The following LTBP1 variants were observed in gnomAD, a reference collection of about 807,000 sequenced individuals.
LTBP1 encodes latent-transforming growth factor beta-binding protein 1.
LTBP1 carries 129 observed loss-of-function variants against 207.6 expected under a neutral mutation model. That is an observed-to-expected ratio of 0.62 (90% confidence interval 0.54 to 0.72). The LOEUF is 0.72. LTBP1 is among the 30% of genes least tolerant of loss of function. LTBP1 has a pLI of 0.00. For missense variants in LTBP1, 2,281 were observed against 2,217.2 expected (o/e 1.03, Z -0.58); for synonymous variants, 963 against 833.7 (o/e 1.16, Z -2.67).
chr2:32,947,882 C>CG lies in LTBP1; in HGVS notation c.494+68dup, dbSNP rs546121967. ...CGCGCACCGCCCGCGGAGGGACCTG[C>CG]GGGGTCAGGGCCACTCGGAGCCCCG... On this transcript the variant is annotated intron_variant, in intron 1 of 33. Coordinates refer to ENST00000404816, the MANE Select transcript of LTBP1 (RefSeq NM_206943.4). 3,940 of 1,252,710 alleles carry CG rather than the reference C, an allele frequency of 3.1e-3. 91 individuals are homozygous for CG. The African/African-American group carries it at 0.057, about 18-fold the overall frequency. 77.6% of individuals were successfully genotyped at this position (1,252,710 alleles called of 1,614,324 possible). A position where few individuals can be genotyped will look rare whatever the true frequency, so the allele number is the denominator to read the frequency against.
intron 9 of LTBP1, among the ~76,000 whole-genome samples, chr2:33,241,984 T>C (rs2092340137): frequency 6.6e-6 from 1 of 152,250 alleles, no homozygotes; most frequent in South Asian, 2.1e-4. Flanking sequence ...GTCATCTAGC[T>C]GTAGCAGTTT....
intron 7 of LTBP1, among the ~76,000 whole-genome samples, chr2:33,196,403 CT>C (rs1558795245): frequency 2.0e-5 from 3 of 151,926 alleles, no homozygotes; most frequent in African/African-American, 7.3e-5. Context: ...CATTTAGAGA[CT>C]TTTTAGAAAC....
At chr2:33,351,154 A>G (rs1225142190) in intron 26 of LTBP1, among the ~76,000 whole-genome samples, 4 of 152,222 alleles carry the variant, frequency 2.6e-5, no homozygotes, top group Middle Eastern at 3.2e-3. Flanking sequence ...TCGCTAATAC[A>G]GTTCGCTAAT....
intron 3 of LTBP1, among the ~76,000 whole-genome samples, chr2:33,110,239 C>A (rs1023278432): frequency 6.6e-6 from 1 of 152,160 alleles, no homozygotes; most frequent in African/African-American, 2.4e-5. Flanking sequence ...TACAGTCATG[C>A]ACCATCATTT....
intron 25 of LTBP1, among the ~76,000 whole-genome samples, chr2:33,344,923 A>C (rs896275780): frequency 3.9e-5 from 6 of 152,120 alleles, no homozygotes; most frequent in African/African-American, 1.2e-4. Context: ...CTTAATGTTC[A>C]TTTCTAACCA....
chr2:33,173,571 G>A (rs1243093965), intron 5 of LTBP1, among the ~76,000 whole-genome samples: 1 of 151,864 alleles, frequency 6.6e-6, no homozygotes, highest in Non-Finnish European at 1.5e-5. Flanking sequence ...AATTCTACCA[G>A]AGGTACAAGG....
intron 24 of LTBP1, among the ~76,000 whole-genome samples, chr2:33,319,217 G>T (rs1391451008): frequency 6.6e-5 from 10 of 152,134 alleles, no homozygotes; most frequent in Admixed American, 4.6e-4. Context: ...GGCCAACATG[G>T]TGGAACCCCG....
intron 13 of LTBP1, among the ~76,000 whole-genome samples, chr2:33,260,206 A>T (rs571574643): frequency 6.2e-4 from 95 of 152,284 alleles, no homozygotes; most frequent in African/African-American, 2.1e-3. Flanking sequence ...ACTGGATCTA[A>T]GTCCTATTTA....
intron 31 of LTBP1, among the ~76,000 whole-genome samples, chr2:33,376,257 G>A (rs997738966): frequency 2.6e-5 from 4 of 152,144 alleles, no homozygotes; most frequent in African/African-American, 4.8e-5. Context: ...TCTAAATTCA[G>A]TTTTGAGTTG....
At chr2:32,959,623 T>TA (rs1558438814) in intron 2 of LTBP1, among the ~76,000 whole-genome samples, 67 of 48,744 alleles carry the variant, frequency 1.4e-3, no homozygotes, top group East Asian at 6.9e-3. Flanking sequence ...ATATATATAT[T>TA]TTTTTTTTTT....
At position 33,127,370 on chromosome 2, in the gene LTBP1, T is replaced by C. The variant is rs2081495147; in HGVS notation, c.1034-7423T>C. On this transcript the variant is annotated intron_variant, in intron 4 of 33. Transcript: ENST00000404816. The stretch of plus-strand genomic sequence containing the variant: ...AGAAGCCTGAGGCATTCAACTCCTT[T>C]AAAGTTTTGTGACTTCCAGCTATCA... 2.0e-5 allele frequency among the ~76,000 whole-genome samples: 3 copies of C among 152,228 alleles called. No homozygotes were observed. In the South Asian group the frequency reaches 6.2e-4, roughly 31 times the overall value.
At chr2:33,002,502 C>G (rs1434292688) in intron 2 of LTBP1, among the ~76,000 whole-genome samples, 1 of 152,146 alleles carries the variant, frequency 6.6e-6, no homozygotes, top group Admixed American at 6.5e-5. Context: ...CCTGGAAGGT[C>G]AGGCCCAGCG....
At chr2:33,254,823 C>T in intron 11 of LTBP1, among the ~76,000 whole-genome samples, 1 of 103,954 alleles carries the variant, frequency 9.6e-6, no homozygotes, top group Non-Finnish European at 1.8e-5. Context: ...GTTCAATTCC[C>T]ACCTATGAGT....
chr2:33,209,291 G>C (rs1307129026), intron 7 of LTBP1, among the ~76,000 whole-genome samples: 1 of 152,088 alleles, frequency 6.6e-6, no homozygotes, highest in East Asian at 1.9e-4. Context: ...ACCTGACTTA[G>C]TTAGAGAGTC....
At chr2:33,229,429 G>A (rs374659290) in intron 9 of LTBP1, among the ~76,000 whole-genome samples, 2 of 152,080 alleles carry the variant, frequency 1.3e-5, no homozygotes, top group Non-Finnish European at 2.9e-5. Flanking sequence ...AGCTATGATC[G>A]TGCCACTGCA....
In LTBP1 at chr2:33,001,857, C is replaced by T; in HGVS notation, c.566-19052C>T. ...ACCATAAAGGCAAATATTTTGTCTT[C>T]CCTGAAACAAATAGTAAGAGGAGAA... is the stretch of plus-strand genomic sequence containing the variant. On this transcript the variant is annotated intron_variant, in intron 2 of 33. Transcript: ENST00000404816. Among the ~76,000 whole-genome samples the T allele has an allele frequency of 1.5e-5, 2 of 134,974 alleles. 1 individual carries two copies. The highest frequency in any genetic ancestry group is 7.6e-4 in the East Asian group (2 of 2,628). The allele number at this position is 134,974 out of a possible 152,430, so 88.5% of individuals were successfully genotyped here. A position where few individuals can be genotyped will look rare whatever the true frequency, so the allele number is the denominator to read the frequency against.
intron 2 of LTBP1, among the ~76,000 whole-genome samples, chr2:32,950,214 G>A (rs759671472): frequency 5.3e-5 from 8 of 152,096 alleles, no homozygotes; most frequent in Non-Finnish European, 8.8e-5. Flanking sequence ...GAGATAACTC[G>A]TCTGTTAACA....
At chr2:33,151,041 CACTT>C (rs1270165280) in intron 5 of LTBP1, among the ~76,000 whole-genome samples, 2 of 152,002 alleles carry the variant, frequency 1.3e-5, no homozygotes, top group African/African-American at 2.4e-5. Flanking sequence ...CACCTGGTCT[CACTT>C]ACTGTGTTTT....
intron 24 of LTBP1, among the ~76,000 whole-genome samples, chr2:33,327,427 A>G (rs2094441446): frequency 1.3e-5 from 2 of 152,216 alleles, no homozygotes; most frequent in South Asian, 4.1e-4. Context: ...CTTCTACAAG[A>G]CTAAAGAACA....
Sources: allele counts gnomAD v4.1 joint callset (sites outside exome capture counted in the v4.1 genomes callset), GRCh38; gene constraint gnomAD v4.1.1; transcripts MANE v1.5; gene names NCBI Gene and HGNC (gene_info 2026-07-23, HGNC 2026-07-21).